The following SENP5 variants were observed in gnomAD, a reference collection of about 807,000 sequenced individuals.
SENP5 encodes sentrin-specific protease 5.
In SENP5, 21 loss-of-function variants were observed where a neutral mutation model predicts 74.2. The ratio of observed to expected loss-of-function variants is 0.28; its 90% confidence interval spans 0.20 to 0.41. The LOEUF (loss-of-function observed/expected upper bound fraction) is 0.41. Ranked by LOEUF, SENP5 falls within the 10% of genes least tolerant of loss-of-function variation. The pLI, the probability that SENP5 is intolerant of heterozygous loss-of-function variation, is 1.00. For synonymous variants in SENP5, 311 were observed against 312.7 expected (o/e 0.99, Z 0.06); for missense variants, 717 against 889.1 (o/e 0.81, Z 2.46).
chr3:196,917,147 C>A (rs1241731039), intron 6 of SENP5, among the ~76,000 whole-genome samples: 1 of 151,784 alleles, frequency 6.6e-6, no homozygotes, highest in Non-Finnish European at 1.5e-5. Flanking sequence ...CAAACAAACC[C>A]CAACAAAACA....
intron 6 of SENP5, among the ~76,000 whole-genome samples, chr3:196,918,449 G>A (rs7642549): frequency 0.66 from 98,572 of 149,140 alleles, 33,570 homozygotes; most frequent in Non-Finnish European, 0.75. Context: ...TTTATAAGAT[G>A]TTGTTTGCAA....
chr3:196,896,780 T>G (rs1714459331), intron 2 of SENP5, among the ~76,000 whole-genome samples: 1 of 152,124 alleles, frequency 6.6e-6, no homozygotes, highest in South Asian at 2.1e-4. Flanking sequence ...GGATACTATC[T>G]TAACACCCAG....
chr3:196,900,228 T>A, intron 4 of SENP5, 137 bp from the exon 5 acceptor site: 1 of 1,044,552 alleles, frequency 9.6e-7, no homozygotes. Flanking sequence ...TTGGCAGTAA[T>A]AATATATTAT....
intron 1 of SENP5, among the ~76,000 whole-genome samples, chr3:196,878,603 A>C (rs1314217406): frequency 3.3e-5 from 5 of 151,958 alleles, no homozygotes; most frequent in Non-Finnish European, 7.4e-5. Context: ...TTTTATTTTT[A>C]TATTTTATGA....
intron 6 of SENP5, among the ~76,000 whole-genome samples, chr3:196,920,094 ACT>A (rs1323808602): frequency 6.6e-6 from 1 of 151,928 alleles, no homozygotes; most frequent in Non-Finnish European, 1.5e-5. Flanking sequence ...AGTTTGTCAA[ACT>A]CTGTTGTTTA....
At chr3:196,911,622 G>GC (rs563927176) in intron 6 of SENP5, among the ~76,000 whole-genome samples, 209 of 151,894 alleles carry the variant, frequency 1.4e-3, no homozygotes, top group African/African-American at 4.8e-3. Flanking sequence ...TCAGTTGGGC[G>GC]CGGTGGCTCA....
chr3:196,886,160 C>T lies in SENP5; in HGVS notation c.979C>T (p.His327Tyr), dbSNP rs1713960332. 3 of 1,614,074 alleles carry T rather than the reference C, an allele frequency of 1.9e-6. No homozygotes were observed. The highest frequency in any genetic ancestry group is 1.1e-5 in the South Asian group (1 of 91,084). ...KGTNSHVPDCHTKGSSFLGKE... is the reference protein window; with the variant it reads ...KGTNSHVPDCYTKGSSFLGKE... ...GACGAACTCTCATGTGCCTGATTGC[C>T]ACACTAAAGGAAGCTCTTTCTTGGG... Residue 327 changes from histidine (H) to tyrosine (Y), a missense_variant, in exon 2 of 10, where the codon CAC becomes TAC. By Grantham distance (83) the His-to-Tyr change is moderately conservative. Coordinates refer to ENST00000323460, the MANE Select transcript of SENP5 (RefSeq NM_152699.5).
intron 6 of SENP5, among the ~76,000 whole-genome samples, chr3:196,918,238 C>T (rs1246840503): frequency 1.0e-4 from 15 of 150,178 alleles, no homozygotes; most frequent in East Asian, 9.7e-4. Flanking sequence ...ACCTGGGAGG[C>T]GGAGCTTGCA....
Position 196,867,997 on chromosome 3 carries a change from G to A in SENP5, c.-108G>A, listed in dbSNP as rs1713002739. ...TGGCGGGGCTTCCCTTGGAGCTGAC[G>A]AAGGCGGGGTCCGCGGTCCAGGCTG... On this transcript the variant is annotated 5_prime_UTR_variant, in exon 1 of 10. Transcript: ENST00000323460. The A allele has an allele frequency of 6.6e-6, 1 of 152,150 alleles. No homozygotes were observed. The highest frequency in any genetic ancestry group is 2.1e-4 in the South Asian group (1 of 4,830). 9.4% of individuals were successfully genotyped at this position (152,150 alleles called of 1,614,324 possible). A position where few individuals can be genotyped will look rare whatever the true frequency, so the allele number is the denominator to read the frequency against.
chr3:196,880,632 G>A (rs1221606389), intron 1 of SENP5, among the ~76,000 whole-genome samples: 1 of 123,396 alleles, frequency 8.1e-6, no homozygotes, highest in East Asian at 2.9e-4. Context: ...GTATTAGCCA[G>A]TTATTCTTTT....
At chr3:196,872,689 A>G (rs556227532) in intron 1 of SENP5, among the ~76,000 whole-genome samples, 1 of 152,340 alleles carries the variant, frequency 6.6e-6, no homozygotes, top group Non-Finnish European at 1.5e-5. Context: ...CACTAGCCAC[A>G]TGTAGCAGCC....
intron 1 of SENP5, among the ~76,000 whole-genome samples, chr3:196,883,856 T>G (rs1009224418): frequency 6.6e-6 from 1 of 152,130 alleles, no homozygotes; most frequent in Non-Finnish European, 1.5e-5. Context: ...GCCTGGCTAA[T>G]TATTTTTGTA....
intron 2 of SENP5, among the ~76,000 whole-genome samples, chr3:196,896,146 A>G (rs1323054568): frequency 9.2e-5 from 14 of 152,108 alleles, no homozygotes; most frequent in Admixed American, 7.2e-4. Context: ...TCCTTTTTTA[A>G]TTGATTAGTT....
At chr3:196,919,659 G>A (rs982813970) in intron 6 of SENP5, among the ~76,000 whole-genome samples, 19 of 152,086 alleles carry the variant, frequency 1.2e-4, no homozygotes, top group African/African-American at 4.6e-4. Flanking sequence ...TGGGTGTGGT[G>A]GAGCATGCCT....
chr3:196,884,890 G>C (rs1052093626), intron 1 of SENP5, among the ~76,000 whole-genome samples: 3 of 152,074 alleles, frequency 2.0e-5, no homozygotes, highest in African/African-American at 7.2e-5. Context: ...ACTGCGCCTG[G>C]TCGAAAATGA....
chr3:196,916,692 T>C (rs531852540), intron 6 of SENP5, among the ~76,000 whole-genome samples: 1 of 152,132 alleles, frequency 6.6e-6, no homozygotes, highest in East Asian at 2.0e-4. Flanking sequence ...TATGCCTGGC[T>C]AATTTTGTAT....
intron 6 of SENP5, chr3:196,904,846 A>G (rs1443504594): frequency 6.6e-6 from 1 of 152,204 alleles, no homozygotes; most frequent in Non-Finnish European, 1.5e-5. Context: ...AGCAGCAGGC[A>G]AGGAGTGTGT....
rs548293501 is a variant in SENP5, at chr3:196,934,019, A to C, written c.*3096A>C. On this transcript the variant is annotated 3_prime_UTR_variant, in exon 10 of 10. Coordinates refer to ENST00000323460, the MANE Select transcript of SENP5 (RefSeq NM_152699.5). ...AGCAGACGCATCAGGTTGTAGTTGC[A>C]TCTTTACAGTGGTCTTTCCTTTTAT... is the stretch of plus-strand genomic sequence containing the variant. 2 of 152,226 alleles carry C rather than the reference A, an allele frequency of 1.3e-5. No homozygotes were observed. The highest frequency in any genetic ancestry group is 2.9e-5 in the Non-Finnish European group (2 of 68,050). 9.4% of individuals were successfully genotyped at this position (152,226 alleles called of 1,614,324 possible).
intron 6 of SENP5, among the ~76,000 whole-genome samples, chr3:196,911,078 T>G (rs1715104132): frequency 1.3e-5 from 2 of 152,154 alleles, no homozygotes; most frequent in South Asian, 4.1e-4. Context: ...TCAAGATGAA[T>G]TAAAGACTTA....
Sources: gnomAD v4.1 joint callset for allele counts (sites outside exome capture counted in the v4.1 genomes callset) on GRCh38, gnomAD v4.1.1 for gene constraint, MANE v1.5 for transcripts, NCBI Gene and HGNC (gene_info 2026-07-23, HGNC 2026-07-21) for gene names.